TEX29: variants seen among roughly 807,000 people sequenced by gnomAD.
The protein encoded by TEX29 is testis expressed 29, also known as testis-expressed protein 29.
In TEX29, 26 loss-of-function variants were observed where a neutral mutation model predicts 18.2. The ratio of observed to expected loss-of-function variants is 1.43; its 90% CI spans 1.04 to 1.98. TEX29 has a LOEUF of 1.98. Ranked by LOEUF, TEX29 falls within the 30% of genes most tolerant of loss-of-function variation. TEX29 has a pLI of 0.00. For missense variants in TEX29, 177 were observed against 194.2 expected (o/e 0.91, Z 0.53); for synonymous variants, 83 against 78.5 (o/e 1.06, Z -0.31).
At chr13:111,335,043 T>G (rs976959753) in intron 3 of TEX29, among the ~76,000 whole-genome samples, 9 of 152,224 alleles carry the variant, frequency 5.9e-5, no homozygotes, top group Admixed American at 2.0e-4. Flanking sequence ...AACAAACAGA[T>G]TTCTGCAAGC....
At chr13:111,320,980 G>A in intron 2 of TEX29, 32 bp downstream of exon 2, 1 of 1,218,704 alleles carries the variant, frequency 8.2e-7, no homozygotes, top group East Asian at 2.7e-5. Context: ...GGGGCGGGTG[G>A]GGTGGGGGAG....
At chr13:111,336,252 T>C (rs2153641918) in intron 3 of TEX29, among the ~76,000 whole-genome samples, 1 of 152,372 alleles carries the variant, frequency 6.6e-6, no homozygotes, top group Non-Finnish European at 1.5e-5. Context: ...AGGAAGAGCC[T>C]GGGCAGTGGG....
intron 2 of TEX29, among the ~76,000 whole-genome samples, chr13:111,326,340 GAGCC>G (rs1338700788): frequency 4.1e-5 from 1 of 24,306 alleles, no homozygotes; most frequent in Non-Finnish European, 8.6e-5. Context: ...CGGGCAACGC[GAGCC>G]TGGGGCTGGT....
At chr13:111,333,594 A>G (rs1318939300) in intron 3 of TEX29, among the ~76,000 whole-genome samples, 2 of 152,224 alleles carry the variant, frequency 1.3e-5, no homozygotes, top group East Asian at 1.9e-4. Context: ...GATATCTTCT[A>G]TTTGATGAAT....
Position 111,328,918 on chromosome 13 carries a change from G to A in TEX29, c.169+625G>A, listed in dbSNP as rs1036098948. Among the ~76,000 whole-genome samples the A allele has an allele frequency of 2.6e-5, 4 of 152,212 alleles. No individual in the cohort carries two copies. The East Asian group carries it at 5.8e-4, about 22-fold the overall frequency. ...CGTGAAGGCTTCCGGAGGGAGGCGC[G>A]CCCTTCAGAGGACCATGGCTAGTTG... On this transcript the variant is annotated intron_variant, in intron 3 of 5. Coordinates refer to ENST00000283547, the MANE Select transcript of TEX29 (RefSeq NM_152324.3).
At chr13:111,331,018 A>G (rs147185303) in intron 3 of TEX29, among the ~76,000 whole-genome samples, 456 of 152,330 alleles carry the variant, frequency 3.0e-3, no homozygotes, top group Non-Finnish European at 5.2e-3. Context: ...ACATTTGTAT[A>G]TAGGTTTTTG....
At chr13:111,335,993 G>A (rs1419367376) in intron 3 of TEX29, among the ~76,000 whole-genome samples, 1 of 152,194 alleles carries the variant, frequency 6.6e-6, no homozygotes, top group Non-Finnish European at 1.5e-5. Flanking sequence ...AACAATCGCC[G>A]CATGCCTGTC....
At chr13:111,318,903 C>T (rs1228342783), upstream of TEX29, among the ~76,000 whole-genome samples, 1 of 152,204 alleles carries the variant, frequency 6.6e-6, no homozygotes, top group African/African-American at 2.4e-5. Flanking sequence ...ACACTTTTTG[C>T]TCACACTTCT....
chr13:111,323,361 G>A (rs1348766012), intron 2 of TEX29, among the ~76,000 whole-genome samples: 1 of 152,230 alleles, frequency 6.6e-6, no homozygotes, highest in African/African-American at 2.4e-5. Context: ...GGCGTGTGTG[G>A]GGCCACTCAG....
At chr13:111,335,088 C>G (rs1449917488) in intron 3 of TEX29, among the ~76,000 whole-genome samples, 2 of 152,178 alleles carry the variant, frequency 1.3e-5, no homozygotes, top group Non-Finnish European at 2.9e-5. Context: ...AAAAACTTTC[C>G]TCTGGTGATT....
chr13:111,336,356 C>T (rs2093689639), intron 3 of TEX29, among the ~76,000 whole-genome samples: 1 of 152,208 alleles, frequency 6.6e-6, no homozygotes. Context: ...TTGTGCTGTG[C>T]AAGTTGTAGT....
In TEX29 at chr13:111,320,678, G is replaced by C. The variant is rs907194188; in HGVS notation, c.-119G>C. ...CAGACAGAGGGGTGGCCAGTTTGTT[G>C]TTTTACCTAAAAGGTGTTTTCCACG... On this transcript the variant is annotated 5_prime_UTR_variant, in exon 1 of 6. Coordinates refer to ENST00000283547, the MANE Select transcript of TEX29 (RefSeq NM_152324.3). 4.8e-6 allele frequency: 3 copies of C among 620,088 alleles called. No homozygotes were observed. Among genetic ancestry groups the C allele is most frequent in the Non-Finnish European group, 8.7e-6 (3 of 344,068 alleles). The allele number at this position is 620,088 out of a possible 1,614,324, so 38.4% of individuals were successfully genotyped here.
chr13:111,319,652 G>A (rs1189092934), upstream of TEX29, among the ~76,000 whole-genome samples: 1 of 152,164 alleles, frequency 6.6e-6, no homozygotes, highest in African/African-American at 2.4e-5. Context: ...GATTGACACA[G>A]TGTCTCCCTC....
At chr13:111,321,059 C>A (rs1384068026) in intron 2 of TEX29, 111 bp downstream of exon 2, 1 of 1,267,626 alleles carries the variant, frequency 7.9e-7, no homozygotes, top group Non-Finnish European at 1.1e-6. Context: ...TGGTCCCAGA[C>A]CTGGCTAGGA....
rs542394310 is a variant in TEX29 at position 111,342,903 on chromosome 13, G to A, written c.387G>A (p.Ser129=). The part of the protein sequence containing the change: ...ASPGPPSAGP[S]MKSDEDKDDV... Reference sequence around the variant, plus strand: ...CTGGGCCTCCAAGTGCTGGGCCCTCGATGAAGAGTGACGAGGATAAGGATG... The same window carrying A: ...CTGGGCCTCCAAGTGCTGGGCCCTCAATGAAGAGTGACGAGGATAAGGATG... The change falls in exon 5 of 6, where the codon TCG becomes TCA. Residue 129 remains serine, a synonymous_variant. Coordinates refer to ENST00000283547, the MANE Select transcript of TEX29 (RefSeq NM_152324.3). 74 of 1,614,168 alleles carry A rather than the reference G, an allele frequency of 4.6e-5. No homozygotes were observed. The highest frequency in any genetic ancestry group is 2.2e-4 in the East Asian group (10 of 44,872).
At position 111,333,767 on chromosome 13, in the gene TEX29, C is replaced by CAGGAGAGAG. The variant is rs1168371788; in HGVS notation, c.169+5476_169+5477insGAGAGAGAG. 3.5e-3 allele frequency among the ~76,000 whole-genome samples: 526 copies of CAGGAGAGAG among 151,352 alleles called. 7 individuals are homozygous for CAGGAGAGAG. The highest frequency in any genetic ancestry group is 0.012 in the African/African-American group (469 of 40,684). ...GTGAAGCAAGACATGTCTTACGTGGCAGCAAGGTTGTGGGAAGGGAACTGC... is the reference window on the plus strand; with the variant it reads ...GTGAAGCAAGACATGTCTTACGTGGCAGGAGAGAGAGCAAGGTTGTGGGAAGGGAACTGC... On this transcript the variant is annotated intron_variant, in intron 3 of 5. Transcript: ENST00000283547.
In TEX29 at chr13:111,344,119, A is replaced by T. The variant is rs779250820; in HGVS notation, c.452A>T (p.Asp151Val). Residue 151 changes from aspartate (D) to valine (V), a missense_variant, in exon 6 of 6, where the codon GAC becomes GTC. Asp to Val is a radical substitution (Grantham distance 152). Coordinates refer to ENST00000283547, the MANE Select transcript of TEX29 (RefSeq NM_152324.3). ...GTITEAEETE[D>V] ...ATAACAGAAGCCGAAGAAACTGAGG[A>T]CTGACTGAGACGCATGAAGAAGTGG... 1 of 1,612,984 alleles carries T rather than the reference A, an allele frequency of 6.2e-7. No homozygotes were observed. Among genetic ancestry groups the T allele is most frequent in the Admixed American group, 1.7e-5 (1 of 59,996 alleles).
chr13:111,344,159 A>G lies in TEX29; in HGVS notation c.*36A>G, dbSNP rs2093701121. ...TGAAGAAGTGGAGATTGTCAGAATT[A>G]TCCAAATGAAATGGTACAGCAGGTG... On this transcript the variant is annotated 3_prime_UTR_variant, in exon 6 of 6. Transcript: ENST00000283547. 1 of 1,588,878 alleles carries G rather than the reference A, an allele frequency of 6.3e-7. No individual in the cohort carries two copies. Among genetic ancestry groups the G allele is most frequent in the African/African-American group, 1.3e-5 (1 of 74,336 alleles).
At chr13:111,334,748 G>C (rs1248721184) in intron 3 of TEX29, among the ~76,000 whole-genome samples, 2 of 152,162 alleles carry the variant, frequency 1.3e-5, no homozygotes, top group Admixed American at 6.5e-5. Context: ...CAAATGCCTG[G>C]GGAAAAAGCT....
Sources: gnomAD v4.1 joint callset for allele counts (sites outside exome capture counted in the v4.1 genomes callset) on GRCh38, gnomAD v4.1.1 for gene constraint, MANE v1.5 for transcripts, NCBI Gene and HGNC (gene_info 2026-07-23, HGNC 2026-07-21) for gene names.